RANBP2: variants seen among roughly 807,000 people sequenced by gnomAD.
RANBP2 encodes RAN binding protein 2.
A neutral mutation model predicts 303.6 loss-of-function variants in RANBP2; 57 were observed. The ratio of observed to expected loss-of-function variants is 0.19; its 90% CI spans 0.15 to 0.23. The LOEUF is 0.23. Among genes scored for constraint, RANBP2 ranks in the 10% least tolerant of loss-of-function variants. The probability of loss-of-function intolerance (pLI) is 1.00; values close to 1 mark genes in which losing one functional copy is unlikely to be tolerated. For missense variants in RANBP2, 3,138 were observed against 3,780.8 expected (o/e 0.83, Z 4.46); for synonymous variants, 1,167 against 1,301.5 (o/e 0.90, Z 2.23).
At chr2:109,459,612 C>T in the RANBP2 span, among the ~76,000 whole-genome samples, 4 of 152,266 alleles carry the variant, frequency 2.6e-5, no homozygotes, top group African/African-American at 9.6e-5. Flanking sequence ...CAGTTTCCCA[C>T]GGTGGTCAGG....
chr2:108,753,329 G>T (rs1425472793), intron 13 of RANBP2, 97 bp from the exon 14 acceptor site: 1 of 1,601,868 alleles, frequency 6.2e-7, no homozygotes, highest in Non-Finnish European at 8.5e-7. Context: ...ATAATGAGAT[G>T]TTTGTCTCTT....
At chr2:109,170,207 TTC>T in the RANBP2 span, among the ~76,000 whole-genome samples, 1 of 151,774 alleles carries the variant, frequency 6.6e-6, no homozygotes, top group African/African-American at 2.4e-5. Flanking sequence ...GATGTTTTCT[TTC>T]TCTCTCTTTT....
At chr2:108,953,910 T>C in the RANBP2 span, among the ~76,000 whole-genome samples, 7 of 152,218 alleles carry the variant, frequency 4.6e-5, no homozygotes, top group Non-Finnish European at 1.0e-4. Context: ...GGATATCCTT[T>C]GAAATAATGT....
chr2:108,782,684 C>A lies in RANBP2; in HGVS notation c.9191C>A (p.Pro3064His). ...LAAELSKETNPVVFFDVCADG... is the reference protein window; with the variant it reads ...LAAELSKETNHVVFFDVCADG... ...GCAGAATTATCAAAGGAGACCAATC[C>A]TGTGGTGTTTTTTGATGTTTGTGCG... Residue 3064 changes from proline (P) to histidine (H), a missense_variant, in exon 28 of 29, where the codon CCT becomes CAT. Transcript: ENST00000283195. The A allele has an allele frequency of 5.6e-6, 9 of 1,614,192 alleles. No individual in the cohort carries two copies. The highest frequency in any genetic ancestry group is 7.6e-6 in the Non-Finnish European group (9 of 1,180,030).
chr2:109,254,357 T>C, the RANBP2 span, among the ~76,000 whole-genome samples: 8 of 152,172 alleles, frequency 5.3e-5, no homozygotes, highest in Non-Finnish European at 1.2e-4. Context: ...CAAGTTGGCC[T>C]CTCTGTGCCT....
chr2:109,145,563 T>C, the RANBP2 span, among the ~76,000 whole-genome samples: 1 of 152,230 alleles, frequency 6.6e-6, no homozygotes, highest in Non-Finnish European at 1.5e-5. Context: ...ACCCCTAGGC[T>C]GTCCGGGGGG....
At chr2:108,966,152 C>G in the RANBP2 span, among the ~76,000 whole-genome samples, 25 of 152,232 alleles carry the variant, frequency 1.6e-4, 1 homozygote, top group South Asian at 5.0e-3. Context: ...AACTTTGAAG[C>G]AAGCCTCTCC....
the RANBP2 span, among the ~76,000 whole-genome samples, chr2:109,035,879 A>C: frequency 6.6e-6 from 1 of 152,212 alleles, no homozygotes; most frequent in Non-Finnish European, 1.5e-5. Flanking sequence ...CAAAGGAGAA[A>C]ATATTGAAAG....
At chr2:109,464,398 CAA>C in the RANBP2 span, among the ~76,000 whole-genome samples, 3 of 152,276 alleles carry the variant, frequency 2.0e-5, no homozygotes, top group Admixed American at 6.5e-5. Context: ...GAATACATAA[CAA>C]AAATACACAT....
the RANBP2 span, among the ~76,000 whole-genome samples, chr2:109,247,639 G>A: frequency 4.1e-4 from 62 of 152,150 alleles, no homozygotes; most frequent in Non-Finnish European, 5.3e-4. Flanking sequence ...CACAGTTGAC[G>A]GACTGGCTGC....
chr2:108,724,673 A>G (rs1694547325), intron 1 of RANBP2, among the ~76,000 whole-genome samples: 1 of 151,390 alleles, frequency 6.6e-6, no homozygotes, highest in Non-Finnish European at 1.5e-5. Context: ...TGAAAGCTGG[A>G]GTTTCTCTAA....
At chr2:109,387,969 C>A in the RANBP2 span, among the ~76,000 whole-genome samples, 10 of 152,186 alleles carry the variant, frequency 6.6e-5, no homozygotes, top group African/African-American at 2.2e-4. Context: ...CTCCCCACAC[C>A]AATTCCAGGG....
At chr2:109,438,865 G>C in the RANBP2 span, among the ~76,000 whole-genome samples, 2 of 152,206 alleles carry the variant, frequency 1.3e-5, no homozygotes, top group East Asian at 3.9e-4. Context: ...GGGAGCAAAA[G>C]TCCCAGGCCA....
At chr2:109,051,901 A>T in the RANBP2 span, among the ~76,000 whole-genome samples, 1 of 151,942 alleles carries the variant, frequency 6.6e-6, no homozygotes, top group Non-Finnish European at 1.5e-5. Flanking sequence ...GGCGCCCACC[A>T]CCATGCCCAG....
chr2:109,190,506 G>A, the RANBP2 span, among the ~76,000 whole-genome samples: 1 of 152,216 alleles, frequency 6.6e-6, no homozygotes, highest in Admixed American at 6.5e-5. Context: ...TTTCCGATGG[G>A]TTGTAATCTT....
chr2:109,029,501 A>G, the RANBP2 span, among the ~76,000 whole-genome samples: 1 of 152,242 alleles, frequency 6.6e-6, no homozygotes, highest in East Asian at 1.9e-4. Flanking sequence ...GCAGCAGCTC[A>G]GTGTGTGTCT....
the RANBP2 span, chr2:109,613,811 A>C: frequency 8.1e-7 from 1 of 1,233,134 alleles, no homozygotes; most frequent in Non-Finnish European, 1.0e-6. Context: ...GTGCCGCGCC[A>C]CCTCGGAGGA....
chr2:109,229,239 T>C, the RANBP2 span, among the ~76,000 whole-genome samples: 1 of 152,218 alleles, frequency 6.6e-6, no homozygotes, highest in Non-Finnish European at 1.5e-5. Context: ...CCCTTTTTAG[T>C]ACACTTCTTA....
the RANBP2 span, among the ~76,000 whole-genome samples, chr2:109,660,389 C>G: frequency 0.028 from 4,234 of 152,310 alleles, 191 homozygotes; most frequent in African/African-American, 0.096. Context: ...GAGCCACTTG[C>G]TGCATCCTGA....
Sources: allele counts gnomAD v4.1 joint callset (sites outside exome capture counted in the v4.1 genomes callset), GRCh38; gene constraint gnomAD v4.1.1; transcripts MANE v1.5; gene names NCBI Gene and HGNC (gene_info 2026-07-23, HGNC 2026-07-21).